ZEB1: variants seen among roughly 807,000 people sequenced by gnomAD.
ZEB1 encodes the protein zinc finger E-box-binding homeobox 1.
In ZEB1, 21 loss-of-function variants were observed where a neutral mutation model predicts 84.9. That is an observed-to-expected ratio of 0.25 (90% CI 0.18 to 0.36). The LOEUF is 0.36. ZEB1 is among the 10% of genes least tolerant of loss of function. The pLI, the probability that ZEB1 is intolerant of heterozygous loss-of-function variation, is 1.00. For missense variants in ZEB1, 1,104 were observed against 1,330.2 expected, an observed-to-expected ratio of 0.83 and a Z score of 2.65; for synonymous variants, 420 against 471.1, an observed-to-expected ratio of 0.89 and a Z score of 1.41.
At chr10:31,324,127 A>G (rs1204093061) in intron 1 of ZEB1, among the ~76,000 whole-genome samples, 8 of 152,046 alleles carry the variant, frequency 5.3e-5, no homozygotes, top group Non-Finnish European at 1.2e-4. Context: ...GTCACGAGAT[A>G]CATTGTAGCA....
At chr10:31,504,177 A>C (rs1188194266) in intron 4 of ZEB1, among the ~76,000 whole-genome samples, 1 of 151,888 alleles carries the variant, frequency 6.6e-6, no homozygotes, top group African/African-American at 2.4e-5. Flanking sequence ...TTCACATGTT[A>C]ATATTCAGTT....
intron 8 of ZEB1, 58 bp from the exon 9 acceptor site, chr10:31,526,614 A>G (rs189950140): frequency 2.5e-6 from 4 of 1,596,796 alleles, no homozygotes; most frequent in Non-Finnish European, 3.4e-6. Flanking sequence ...CAAAAACCGT[A>G]TAAGGATTTT....
At chr10:31,442,584 C>T (rs1278305081) in intron 1 of ZEB1, among the ~76,000 whole-genome samples, 1 of 150,194 alleles carries the variant, frequency 6.7e-6, no homozygotes, top group Non-Finnish European at 1.5e-5. Context: ...AAAAGAAATC[C>T]AAGTGGAGCT....
At chr10:31,324,825 GC>G (rs1414559515) in intron 1 of ZEB1, among the ~76,000 whole-genome samples, 1 of 151,928 alleles carries the variant, frequency 6.6e-6, no homozygotes, top group Non-Finnish European at 1.5e-5. Flanking sequence ...CATATTACTG[GC>G]TAAATAATCA....
At chr10:31,401,838 T>A (rs1027834493) in intron 1 of ZEB1, among the ~76,000 whole-genome samples, 2 of 152,154 alleles carry the variant, frequency 1.3e-5, no homozygotes, top group African/African-American at 4.8e-5. Flanking sequence ...CTTACAGATA[T>A]AACTCCAACC....
At chr10:31,467,625 G>A (rs974933779) in intron 2 of ZEB1, among the ~76,000 whole-genome samples, 2 of 152,120 alleles carry the variant, frequency 1.3e-5, no homozygotes, top group Non-Finnish European at 2.9e-5. Flanking sequence ...TGATCCTAAG[G>A]AGCCAGAGGA....
intron 1 of ZEB1, among the ~76,000 whole-genome samples, chr10:31,408,179 A>G (rs1435676968): frequency 1.3e-5 from 2 of 151,062 alleles, no homozygotes; most frequent in African/African-American, 2.4e-5. Context: ...TAGGAATCCA[A>G]CTTACAAGGG....
At chr10:31,336,234 G>C (rs2038023152) in intron 1 of ZEB1, among the ~76,000 whole-genome samples, 1 of 152,138 alleles carries the variant, frequency 6.6e-6, no homozygotes, top group South Asian at 2.1e-4. Flanking sequence ...AGAACTAAGA[G>C]ATAATAGCAA....
intron 8 of ZEB1, among the ~76,000 whole-genome samples, chr10:31,524,699 TTATGC>T (rs995136923): frequency 8.5e-5 from 13 of 152,150 alleles, no homozygotes; most frequent in African/African-American, 2.9e-4. Context: ...TAATGCAAGC[TTATGC>T]TATATTAATA....
At chr10:31,480,112 GCTA>G (rs2064845304) in intron 2 of ZEB1, among the ~76,000 whole-genome samples, 1 of 151,910 alleles carries the variant, frequency 6.6e-6, no homozygotes, top group African/African-American at 2.4e-5. Flanking sequence ...CAACATGTTA[GCTA>G]TTTCTTAATG....
intron 1 of ZEB1, among the ~76,000 whole-genome samples, chr10:31,368,326 T>TTA (rs1201847492): frequency 6.6e-6 from 1 of 151,994 alleles, no homozygotes; most frequent in African/African-American, 2.4e-5. Flanking sequence ...CAGCTAACTT[T>TTA]TGAACTTTTT....
chr10:31,435,078 G>A (rs942988524), intron 1 of ZEB1, among the ~76,000 whole-genome samples: 4 of 152,194 alleles, frequency 2.6e-5, no homozygotes, highest in Non-Finnish European at 4.4e-5. Context: ...AGATTACTTC[G>A]GGTTATGTGG....
At position 31,521,065 on chromosome 10, in the gene ZEB1, CTGGA is replaced by C. The variant is rs1180411794; in HGVS notation, c.1734_1737del (p.Gly579MetfsTer11). The C allele has an allele frequency of 6.2e-7, 1 of 1,614,004 alleles. No homozygotes were observed. On this transcript the variant is annotated frameshift_variant, in exon 7 of 9. Coordinates refer to ENST00000424869, the MANE Select transcript of ZEB1 (RefSeq NM_001174096.2). LOFTEE classifies it high-confidence loss of function. ...CCTGAGTCCTCTGTTTCATCAGCTA[CTGGA>C]GATGGCAATTTGTCTCCTAGTCAGC...
At chr10:31,318,926 T>C (rs2032882001), upstream of ZEB1, 1 of 460,350 alleles carries the variant, frequency 2.2e-6, no homozygotes, top group Non-Finnish European at 4.0e-6. Context: ...GTCGCCTTTC[T>C]GACCGCGTCC....
Position 31,521,369 on chromosome 10 carries a change from A to C in ZEB1, c.2037A>C (p.Gln679His), listed in dbSNP as rs146821579. 144 of 1,613,954 alleles carry C rather than the reference A, an allele frequency of 8.9e-5. No individual in the cohort carries two copies. The highest frequency in any genetic ancestry group is 1.2e-4 in the Non-Finnish European group (140 of 1,180,010). ...CCCAGGACAGCACAGTAAATCTACAAAGTCCTTTGAAGATGACTAACTCCC... is the reference window on the plus strand; with the variant it reads ...CCCAGGACAGCACAGTAAATCTACACAGTCCTTTGAAGATGACTAACTCCC... ...NEPQDSTVNLQSPLKMTNSPV... is the reference protein window; with the variant it reads ...NEPQDSTVNLHSPLKMTNSPV... Residue 679 changes from glutamine (Q) to histidine (H), a missense_variant, in exon 7 of 9, where the codon CAA (glutamine) becomes CAC (histidine). This residue lies in a region of ZEB1 where 531 missense variants were observed against 575.2 expected (regional missense o/e 0.92). Coordinates refer to ENST00000424869, the MANE Select transcript of ZEB1 (RefSeq NM_001174096.2).
intron 1 of ZEB1, among the ~76,000 whole-genome samples, chr10:31,425,216 A>G (rs1017260862): frequency 3.3e-5 from 5 of 152,050 alleles, no homozygotes; most frequent in Admixed American, 6.5e-5. Flanking sequence ...ATTTGAATCA[A>G]TTGAATTTGA....
intron 1 of ZEB1, among the ~76,000 whole-genome samples, chr10:31,386,821 G>A (rs565495768): frequency 6.6e-6 from 1 of 152,172 alleles, no homozygotes; most frequent in South Asian, 2.1e-4. Context: ...ATTTTAAAAT[G>A]GAATTTATAA....
At chr10:31,410,934 C>A (rs568860000) in intron 1 of ZEB1, among the ~76,000 whole-genome samples, 68 of 152,176 alleles carry the variant, frequency 4.5e-4, no homozygotes, top group African/African-American at 1.5e-3. Context: ...TTAATCTTTT[C>A]AAAAAACCAG....
chr10:31,486,039 A>G (rs557469708), intron 2 of ZEB1, among the ~76,000 whole-genome samples: 109 of 151,966 alleles, frequency 7.2e-4, no homozygotes, highest in African/African-American at 2.4e-3. Flanking sequence ...ACTCAGATGT[A>G]TTCAAGTTGT....
Sources: gnomAD v4.1 joint callset for allele counts (sites outside exome capture counted in the v4.1 genomes callset) on GRCh38, gnomAD v4.1.1 for gene constraint, gnomAD v4.1.1 regional missense constraint, MANE v1.5 for transcripts, NCBI Gene and HGNC (gene_info 2026-07-23, HGNC 2026-07-21) for gene names.